Variants in ALDH7A1 observed in about 807,000 individuals in gnomAD.
ALDH7A1 encodes aldehyde dehydrogenase 7 family member A1, also known as alpha-aminoadipic semialdehyde dehydrogenase.
Under a neutral mutation model 79.9 loss-of-function variants are expected in ALDH7A1, and 63 were observed. That is an observed-to-expected ratio of 0.79 (90% confidence interval 0.64 to 0.97). The LOEUF is 0.97. Among genes scored for constraint, ALDH7A1 ranks in the 50% least tolerant of loss-of-function variants. The pLI is 0.00. For missense variants in ALDH7A1, 627 were observed against 665.2 expected (o/e 0.94, Z 0.63); for synonymous variants, 240 against 231.2 (o/e 1.04, Z -0.34).
In ALDH7A1 at chr5:126,577,177, G is replaced by A. The variant is rs369859575; in HGVS notation, c.552C>T (p.Pro184=). The A allele has an allele frequency of 6.6e-5, 106 of 1,614,018 alleles. No individual in the cohort carries two copies. The highest frequency in any genetic ancestry group is 1.7e-4 in the African/African-American group (13 of 74,906). Residue 184 remains proline, a synonymous_variant, in exon 6 of 18, where the codon CCC becomes CCT. Transcript: ENST00000409134. ...CCGTGATGATTCCAACCAGGCCTAC[G>A]GGATTCCACTGCTCAATCAGTGCAT... is the stretch of plus-strand genomic sequence containing the variant. ...SGHALIEQWN[P]VGLVGIITAF...
At chr5:126,555,482 CAAAAAA>C (rs762878623) in intron 12 of ALDH7A1, 13 of 75,196 alleles carry the variant, frequency 1.7e-4, no homozygotes, top group Middle Eastern at 7.4e-3. Context: ...AACTGTGTCT[CAAAAAA>C]AAAAAAAAAA....
At chr5:126,576,517 G>T (rs1750975118) in intron 6 of ALDH7A1, among the ~76,000 whole-genome samples, 1 of 152,106 alleles carries the variant, frequency 6.6e-6, no homozygotes, top group Non-Finnish European at 1.5e-5. Context: ...ACAAGTAACT[G>T]TTTGCCATCT....
At chr5:126,553,772 C>T (rs981826523) in intron 13 of ALDH7A1, among the ~76,000 whole-genome samples, 2 of 151,928 alleles carry the variant, frequency 1.3e-5, no homozygotes, top group African/African-American at 4.8e-5. Context: ...AGATCGTGCA[C>T]CACTGCACTC....
intron 3 of ALDH7A1, chr5:126,588,126 C>T (rs1458867061): frequency 6.6e-6 from 1 of 152,024 alleles, no homozygotes; most frequent in Non-Finnish European, 1.5e-5. Context: ...AAAGTACAGC[C>T]CAATATTTAA....
chr5:126,554,239 A>G, intron 13 of ALDH7A1, 48 bp downstream of exon 13: 1 of 1,551,026 alleles, frequency 6.4e-7, no homozygotes, highest in Non-Finnish European at 8.9e-7. Context: ...TGTCTCAGGG[A>G]AAAGAAGGTT....
At chr5:126,582,443 C>T (rs1246773985) in intron 5 of ALDH7A1, among the ~76,000 whole-genome samples, 2 of 152,112 alleles carry the variant, frequency 1.3e-5, no homozygotes, top group Non-Finnish European at 2.9e-5. Flanking sequence ...ATTTTTTCCC[C>T]TTATGATTCG....
rs750693623 is a variant in ALDH7A1, at chr5:126,595,164, GC to G, written c.34del (p.Ala12LeufsTer31). 168 of 1,555,320 alleles carry G rather than the reference GC, an allele frequency of 1.1e-4. No homozygotes were observed. The African/African-American group carries it at 1.7e-3, about 16-fold the overall frequency. ...TCCAGAGAGCTTGCTGGTCTTTGCAGCGTGCACACACAGCGCGCGAGGAAGG... is the reference window on the plus strand; with the variant it reads ...TCCAGAGAGCTTGCTGGTCTTTGCAGGTGCACACACAGCGCGCGAGGAAGG... Reference protein sequence around the residue: ...WRLPRALCVHAAKTSKLSGPW... With the variant: ...WRLPRALCVHXAKTSKLSGPW... On this transcript the variant is annotated frameshift_variant, in exon 1 of 18. Coordinates refer to ENST00000409134, the MANE Select transcript of ALDH7A1 (RefSeq NM_001182.5). LOFTEE classifies it high-confidence loss of function.
Position 126,549,938 on chromosome 5 carries a change from C to A in ALDH7A1, c.1480G>T (p.Gly494Cys). The change falls in exon 16 of 18, where the codon GGT becomes TGT. Residue 494 changes from glycine to cysteine, a missense_variant. By Grantham distance (159) the Gly-to-Cys change is radical. Transcript: ENST00000409134. ...ATGATTCTCTACGTACCAAAGGCAC[C>A]TCCAATCTCAGCCCCACTTGTTGGA... Reference protein sequence around the residue: ...NIPTSGAEIGGAFGGEKHTGG... With the variant: ...NIPTSGAEIGCAFGGEKHTGG... 1 of 1,614,118 alleles carries A rather than the reference C, an allele frequency of 6.2e-7. No individual in the cohort carries two copies. Among genetic ancestry groups the A allele is most frequent in the Non-Finnish European group, 8.5e-7 (1 of 1,179,986 alleles).
At chr5:126,593,191 A>G (rs1045726493) in intron 2 of ALDH7A1, among the ~76,000 whole-genome samples, 160 bp downstream of exon 2, 3 of 152,106 alleles carry the variant, frequency 2.0e-5, no homozygotes, top group Admixed American at 2.0e-4. Flanking sequence ...TAAATGACAA[A>G]TGAAAAATAA....
intron 7 of ALDH7A1, among the ~76,000 whole-genome samples, chr5:126,574,353 T>C (rs758525186): frequency 6.6e-6 from 1 of 150,764 alleles, no homozygotes; most frequent in Non-Finnish European, 1.5e-5. Flanking sequence ...TGAGCCAAGA[T>C]TGCACCACTG....
intron 1 of ALDH7A1, chr5:126,594,216 T>C (rs150681998): frequency 1.2e-4 from 57 of 471,072 alleles, no homozygotes; most frequent in African/African-American, 1.0e-3. Context: ...TCAAAGGAGT[T>C]CACAGCCCAA....
intron 17 of ALDH7A1, 65 bp from the exon 18 acceptor site, chr5:126,545,084 T>A: frequency 8.2e-7 from 1 of 1,223,174 alleles, no homozygotes; most frequent in Non-Finnish European, 1.2e-6. Context: ...CATGCCCACT[T>A]TTAAAATGTA....
intron 3 of ALDH7A1, 161 bp downstream of exon 3, chr5:126,592,503 G>A: frequency 1.5e-6 from 1 of 676,934 alleles, no homozygotes; most frequent in South Asian, 1.8e-5. Flanking sequence ...TGGCAGAGGT[G>A]TTTCCAAAAC....
intron 8 of ALDH7A1, chr5:126,569,922 G>C (rs996384850): frequency 9.9e-5 from 15 of 152,200 alleles, no homozygotes; most frequent in African/African-American, 3.6e-4. Flanking sequence ...TGTAAGACTT[G>C]ACTCCTGAAA....
Position 126,561,084 on chromosome 5 carries a change from A to T in ALDH7A1, c.912T>A (p.Ile304=). 1 of 1,613,394 alleles carries T rather than the reference A, an allele frequency of 6.2e-7. No homozygotes were observed. Among genetic ancestry groups the T allele is most frequent in the Non-Finnish European group, 8.5e-7 (1 of 1,179,658 alleles). Residue 304 remains isoleucine (I), a splice_region_variant and synonymous_variant, in exon 10 of 18, where the codon ATT becomes ATA. Coordinates refer to ENST00000409134, the MANE Select transcript of ALDH7A1 (RefSeq NM_001182.5). The part of the protein sequence containing the change: ...LLELGGNNAI[I]AFEDADLSLV... ...ACAAAAACAAAGAGGCAGCCTTACC[A>T]ATAATGGCATTGTTTCCTCCAAGTT...
intron 9 of ALDH7A1, chr5:126,561,476 C>G (rs1282080540): frequency 6.7e-6 from 1 of 149,284 alleles, no homozygotes; most frequent in Admixed American, 7.4e-5. Context: ...ATAATATGCA[C>G]CCACAGAGTG....
intron 6 of ALDH7A1, 101 bp downstream of exon 6, chr5:126,576,978 G>T: frequency 1.4e-6 from 2 of 1,466,778 alleles, no homozygotes; most frequent in Non-Finnish European, 1.9e-6. Flanking sequence ...GTGTGGTGAT[G>T]CACACTTATA....
chr5:126,567,448 A>G (rs1750620070), intron 9 of ALDH7A1, among the ~76,000 whole-genome samples: 1 of 152,084 alleles, frequency 6.6e-6, no homozygotes, highest in East Asian at 1.9e-4. Context: ...AATTATACCC[A>G]TTTAGAGAGA....
At chr5:126,573,848 CAG>C in intron 7 of ALDH7A1, among the ~76,000 whole-genome samples, 1 of 146,822 alleles carries the variant, frequency 6.8e-6, no homozygotes, top group Non-Finnish European at 1.5e-5. Context: ...GCCTGGGCGA[CAG>C]AGCAAGACTC....
Sources: allele counts gnomAD v4.1 joint callset (sites outside exome capture counted in the v4.1 genomes callset), GRCh38; gene constraint gnomAD v4.1.1; transcripts MANE v1.5; gene names NCBI Gene and HGNC (gene_info 2026-07-23, HGNC 2026-07-21).